Variants in FRAS1 observed in about 807,000 individuals in gnomAD.
FRAS1 encodes Fraser extracellular matrix complex subunit 1, also known as extracellular matrix organizing protein FRAS1.
Under a neutral mutation model 435.2 loss-of-function variants are expected in FRAS1, and 290 were observed. The observed-to-expected ratio is 0.67, with a 90% CI of 0.61 to 0.73. The LOEUF (loss-of-function observed/expected upper bound fraction) is 0.73, where lower values mean the gene tolerates loss of function less well. FRAS1 is among the 30% of genes least tolerant of loss of function. FRAS1 has a pLI of 0.00. For missense variants in FRAS1, 4,860 were observed against 5,001.5 expected (o/e 0.97, Z 0.85); for synonymous variants, 1,800 against 1,851.0 (o/e 0.97, Z 0.71).
chr4:78,414,191 G>T (rs1484333), intron 32 of FRAS1, among the ~76,000 whole-genome samples: 47,673 of 152,094 alleles, frequency 0.31, 8,144 homozygotes, highest in Non-Finnish European at 0.38. Flanking sequence ...GCCCTATAAA[G>T]TCTGTAATTC....
At chr4:78,302,491 G>A (rs189192615) in intron 14 of FRAS1, among the ~76,000 whole-genome samples, 4,324 of 151,500 alleles carry the variant, frequency 0.029, 204 homozygotes, top group African/African-American at 0.1. Context: ...AAGTGTTCCT[G>A]TTTCTCCACA....
At chr4:78,185,318 C>G (rs7689878) in intron 2 of FRAS1, among the ~76,000 whole-genome samples, 146,318 of 152,322 alleles carry the variant, frequency 0.96, 70,539 homozygotes, top group East Asian at 1. Flanking sequence ...TTATTGGCTT[C>G]AGCTTTGTTA....
At chr4:78,295,673 A>C (rs776097515) in intron 14 of FRAS1, among the ~76,000 whole-genome samples, 51 of 150,760 alleles carry the variant, frequency 3.4e-4, no homozygotes, top group Non-Finnish European at 1.2e-4. Context: ...AAATAACTAC[A>C]CTAATGTGAT....
chr4:78,267,057 T>A (rs1405926333), intron 8 of FRAS1, 122 bp downstream of exon 8: 1 of 915,292 alleles, frequency 1.1e-6, no homozygotes, highest in African/African-American at 1.7e-5. Context: ...CAAAGTTACA[T>A]AAAGATATGA....
intron 70 of FRAS1, 80 bp downstream of exon 70, chr4:78,526,737 C>A: frequency 3.5e-6 from 3 of 868,824 alleles, no homozygotes; most frequent in South Asian, 1.8e-5. Flanking sequence ...TTATTTGTAA[C>A]CCCCAAATCA....
intron 4 of FRAS1, among the ~76,000 whole-genome samples, chr4:78,249,043 C>CTGATATATATATATATTCATATATATA (rs1352031337): frequency 5.0e-5 from 1 of 19,860 alleles, no homozygotes; most frequent in African/African-American, 1.1e-4. Flanking sequence ...GTATGAAGAA[C>CTGATATATATATATATTCATATATATA]TACTGATATA....
chr4:78,343,686 A>G (rs1046490975), intron 20 of FRAS1, among the ~76,000 whole-genome samples: 1 of 152,218 alleles, frequency 6.6e-6, no homozygotes, highest in Admixed American at 6.5e-5. Flanking sequence ...TTAAAGAGCA[A>G]CACATCTTTA....
intron 18 of FRAS1, among the ~76,000 whole-genome samples, chr4:78,324,731 T>TTTTC (rs1491139973): frequency 1.3e-4 from 16 of 119,436 alleles, no homozygotes; most frequent in African/African-American, 3.4e-4. Context: ...TTTTTTTTTT[T>TTTTC]CTGCATGTCA....
At chr4:78,263,360 A>C (rs1325671986) in intron 6 of FRAS1, among the ~76,000 whole-genome samples, 1 of 152,222 alleles carries the variant, frequency 6.6e-6, no homozygotes, top group Non-Finnish European at 1.5e-5. Context: ...ATGTATAATT[A>C]GATGTTGCCA....
chr4:78,363,554 A>C lies in FRAS1; in HGVS notation c.2464A>C (p.Asn822His), dbSNP rs1187254214. ...LCQHCAADLH[N>H]TGSICLRCQN... ...CCAGCACTGTGCAGCTGATCTCCAC[A>C]ACACTGGGAGCATCTGCCTCAGGTG... The change falls in exon 21 of 74, where the codon AAC (asparagine) becomes CAC (histidine). Residue 822 changes from asparagine (N) to histidine (H), a missense_variant. Asn to His is a moderately conservative substitution (Grantham distance 68). Coordinates refer to ENST00000512123, the MANE Select transcript of FRAS1 (RefSeq NM_025074.7). 1 of 1,613,474 alleles carries C rather than the reference A, an allele frequency of 6.2e-7. No individual in the cohort carries two copies. Among genetic ancestry groups the C allele is most frequent in the African/African-American group, 1.3e-5 (1 of 75,022 alleles).
At chr4:78,315,782 G>A (rs1338236036) in intron 16 of FRAS1, 48 bp downstream of exon 16, 1 of 1,601,896 alleles carries the variant, frequency 6.2e-7, no homozygotes, top group Non-Finnish European at 8.5e-7. Flanking sequence ...TTGAGTACAT[G>A]TTTGACTATA....
In FRAS1 at chr4:78,308,059, T is replaced by C; in HGVS notation, c.1535-7T>C. On this transcript the variant is annotated splice_polypyrimidine_tract_variant and splice_region_variant and intron_variant, in intron 14 of 73. Transcript: ENST00000512123. ...GATTACTCACTGATTTTGCTATTCG[T>C]CTGCAGTCTGCCATGAGTCCTGTGC... The C allele has an allele frequency of 6.3e-7, 1 of 1,590,506 alleles. No homozygotes were observed. The highest frequency in any genetic ancestry group is 8.6e-7 in the Non-Finnish European group (1 of 1,166,008).
At chr4:78,063,596 TG>T (rs1208454089) in intron 1 of FRAS1, among the ~76,000 whole-genome samples, 1 of 152,218 alleles carries the variant, frequency 6.6e-6, no homozygotes, top group Non-Finnish European at 1.5e-5. Flanking sequence ...AGCAGATGCA[TG>T]GCTTGCCCAG....
intron 55 of FRAS1, among the ~76,000 whole-genome samples, chr4:78,478,847 C>T (rs1719928180): frequency 6.6e-6 from 1 of 152,140 alleles, no homozygotes; most frequent in Non-Finnish European, 1.5e-5. Context: ...CAAGCCAGGC[C>T]CAGAACAGGC....
At position 78,058,968 on chromosome 4, in the gene FRAS1, G is replaced by A. The variant is rs577261857; in HGVS notation, c.76+883G>A. Among the ~76,000 whole-genome samples the A allele has an allele frequency of 2.6e-5, 4 of 152,358 alleles. No individual in the cohort carries two copies. The East Asian group carries it at 7.7e-4, about 29-fold the overall frequency. ...AAGTCGCCCCGCCAGTGCTTAGGGA[G>A]GGGGAAGGGAGCCGGCGGGCTGGGA... On this transcript the variant is annotated intron_variant, in intron 1 of 73. Transcript: ENST00000512123.
At chr4:78,528,491 A>T (rs916544983) in intron 70 of FRAS1, among the ~76,000 whole-genome samples, 7 of 152,014 alleles carry the variant, frequency 4.6e-5, no homozygotes, top group Non-Finnish European at 8.8e-5. Flanking sequence ...CTTTTTTTAG[A>T]GTGTTTTATA....
rs1732482834 is a variant in FRAS1, at chr4:78,392,409, A to G, written c.3975+4708A>G. On this transcript the variant is annotated intron_variant, in intron 29 of 73. Transcript: ENST00000512123. Reference sequence around the variant, plus strand: ...ATATTTTGGCCTGGGGTTAGAGTACATTATCATTTCAGCTAACGTTTCTTC... The same window carrying G: ...ATATTTTGGCCTGGGGTTAGAGTACGTTATCATTTCAGCTAACGTTTCTTC... Among the ~76,000 whole-genome samples the G allele has an allele frequency of 2.0e-5, 3 of 152,198 alleles. No individual in the cohort carries two copies. The South Asian group carries it at 6.2e-4, about 32-fold the overall frequency.
At chr4:78,475,637 C>G (rs1719833290) in intron 54 of FRAS1, 31 bp downstream of exon 54, 1 of 1,503,782 alleles carries the variant, frequency 6.6e-7, no homozygotes. Context: ...GGGGGAGGCT[C>G]CAGCAAGGGC....
At chr4:78,394,600 A>G (rs1426640191) in intron 29 of FRAS1, among the ~76,000 whole-genome samples, 1 of 151,882 alleles carries the variant, frequency 6.6e-6, no homozygotes, top group African/African-American at 2.4e-5. Flanking sequence ...TAATGTTTTA[A>G]TTACTATAAC....
Sources: allele counts gnomAD v4.1 joint callset (sites outside exome capture counted in the v4.1 genomes callset), GRCh38; gene constraint gnomAD v4.1.1; transcripts MANE v1.5; gene names NCBI Gene and HGNC (gene_info 2026-07-23, HGNC 2026-07-21).